The following SET variants were observed in gnomAD, a reference collection of about 807,000 sequenced individuals.
The protein encoded by SET is SET nuclear proto-oncogene, also known as protein SET.
A neutral mutation model predicts 39.0 loss-of-function variants in SET; 4 were observed. The observed-to-expected ratio is 0.10, with a 90% CI of 0.05 to 0.23. SET has a LOEUF of 0.23. SET is among the 10% of genes least tolerant of loss of function. The probability of loss-of-function intolerance (pLI) is 1.00; values close to 1 mark genes in which losing one functional copy is unlikely to be tolerated. For synonymous variants in SET, 114 were observed against 115.9 expected, an observed-to-expected ratio of 0.98 and a Z score of 0.11; for missense variants, 137 against 329.7, an observed-to-expected ratio of 0.42 and a Z score of 4.53.
intron 1 of SET, among the ~76,000 whole-genome samples, chr9:128,684,170 C>G (rs971516115): frequency 6.6e-6 from 1 of 152,118 alleles, no homozygotes; most frequent in South Asian, 2.1e-4. Context: ...CCAGAAGGGA[C>G]TAGACTGGGA....
At position 128,692,658 on chromosome 9, in the gene SET, C is replaced by G; in HGVS notation, c.275-4C>G. 1.9e-6 allele frequency: 3 copies of G among 1,596,146 alleles called. No homozygotes were observed. The highest frequency in any genetic ancestry group is 2.6e-6 in the Non-Finnish European group (3 of 1,165,528). ...TTCAGCTGACCTGTAATTTTCTGGC[C>G]TAGTGTCTGCACTGCTTGGGGAGGA... On this transcript the variant is annotated splice_region_variant and splice_polypyrimidine_tract_variant and intron_variant, in intron 3 of 7. Coordinates refer to ENST00000322030, the MANE Select transcript of SET (RefSeq NM_003011.4).
At chr9:128,693,389 T>C (rs949695474) in intron 5 of SET, among the ~76,000 whole-genome samples, 1 of 152,212 alleles carries the variant, frequency 6.6e-6, no homozygotes, top group Admixed American at 6.5e-5. Context: ...AGACATAGTT[T>C]AGATATTTAT....
Position 128,693,685 on chromosome 9 carries a change from G to A in SET, c.540G>A (p.Lys180=). ...SSQTQNKASR[K]RQHEEPESFF... The stretch of plus-strand genomic sequence containing the variant: ...AAACGCAGAATAAAGCCAGCAGGAA[G>A]AGGCAGCATGAGGAACCAGAGAGCT... The change falls in exon 6 of 8, where the codon AAG becomes AAA. Residue 180 remains lysine (K), a synonymous_variant. Transcript: ENST00000322030. The A allele has an allele frequency of 6.2e-7, 1 of 1,613,494 alleles. No homozygotes were observed.
chr9:128,687,858 G>A (rs1861341737), upstream of SET, among the ~76,000 whole-genome samples: 1 of 152,104 alleles, frequency 6.6e-6, no homozygotes, highest in Admixed American at 6.5e-5. Context: ...CCAAAGTGTT[G>A]GGATAACAGG....
rs911355179 is a variant in SET at position 128,695,572 on chromosome 9, A to G, written c.*908A>G. 1.3e-5 allele frequency: 3 copies of G among 224,160 alleles called. No homozygotes were observed. The highest frequency in any genetic ancestry group is 4.4e-5 in the African/African-American group (2 of 45,030). 13.9% of individuals were successfully genotyped at this position (224,160 alleles called of 1,614,324 possible). A position where few individuals can be genotyped will look rare whatever the true frequency, so the allele number is the denominator to read the frequency against. On this transcript the variant is annotated 3_prime_UTR_variant, in exon 8 of 8. Transcript: ENST00000322030. ...TTCTCTCAGCATAGGTATGCTTACT[A>G]TGACCTTCCAAGTTTGACTTGTATA... is the stretch of plus-strand genomic sequence containing the variant.
At chr9:128,692,461 A>C (rs78085598) in intron 3 of SET, 1 of 399,622 alleles carries the variant, frequency 2.5e-6, no homozygotes, top group Non-Finnish European at 4.5e-6. Context: ...ACTGCTTTCT[A>C]TTCTGTTTAG....
chr9:128,693,825 A>C lies in SET; in HGVS notation c.663+17A>C, dbSNP rs1480791680. The C allele has an allele frequency of 8.7e-6, 14 of 1,609,650 alleles. No homozygotes were observed. The East Asian group carries it at 3.1e-4, about 36-fold the overall frequency. ...TACTACTTGGTGAGTTCTAATACTC[A>C]TTTATTCAAGGTTGGACTTGTCTCG... On this transcript the variant is annotated intron_variant, in intron 6 of 7. Coordinates refer to ENST00000322030, the MANE Select transcript of SET (RefSeq NM_003011.4).
In SET at chr9:128,694,922, G is replaced by A. The variant is rs1861677760; in HGVS notation, c.*258G>A. On this transcript the variant is annotated 3_prime_UTR_variant, in exon 8 of 8. Transcript: ENST00000322030. ...ATCCCTTCCTGTCTGAACAAAAACT[G>A]TATGGAATCAACACCACCGAGCTCT... The A allele has an allele frequency of 2.8e-6, 1 of 351,944 alleles. No homozygotes were observed. The highest frequency in any genetic ancestry group is 5.1e-6 in the Non-Finnish European group (1 of 197,080). The allele number at this position is 351,944 out of a possible 1,614,324, so 21.8% of individuals were successfully genotyped here.
Position 128,695,586 on chromosome 9 carries a change from T to C in SET, c.*922T>C, listed in dbSNP as rs1861706146. On this transcript the variant is annotated 3_prime_UTR_variant, in exon 8 of 8. Transcript: ENST00000322030. ...GTATGCTTACTATGACCTTCCAAGT[T>C]TGACTTGTATAACATCACTGTCAAA... 4.5e-6 allele frequency: 1 copy of C among 224,162 alleles called. No individual in the cohort carries two copies. Among genetic ancestry groups the C allele is most frequent in the Admixed American group, 5.7e-5 (1 of 17,580 alleles). 13.9% of individuals were successfully genotyped at this position (224,162 alleles called of 1,614,324 possible).
At position 128,694,627 on chromosome 9, in the gene SET, A is replaced by T; in HGVS notation, c.811-14A>T. The T allele has an allele frequency of 6.4e-7, 1 of 1,567,684 alleles. No homozygotes were observed. The highest frequency in any genetic ancestry group is 8.7e-7 in the Non-Finnish European group (1 of 1,150,368). ...CATTAATCCTGAAGATTAACTGCCC[A>T]CTTTTTCTTTCAGGAGGATGAAGGA... On this transcript the variant is annotated splice_polypyrimidine_tract_variant and intron_variant, in intron 7 of 7. Transcript: ENST00000322030.
At chr9:128,692,635 C>A (rs1197963346) in intron 3 of SET, 27 bp from the exon 4 acceptor site, 2 of 1,473,224 alleles carry the variant, frequency 1.4e-6, no homozygotes, top group East Asian at 4.5e-5. Flanking sequence ...GTTGAAAATT[C>A]AGCTGACCTG....
Position 128,689,421 on chromosome 9 carries a change from CGCGA to C in SET, c.-152_-149del, listed in dbSNP as rs953279378. On this transcript the variant is annotated 5_prime_UTR_variant, in exon 1 of 8. Coordinates refer to ENST00000322030, the MANE Select transcript of SET (RefSeq NM_003011.4). The stretch of plus-strand genomic sequence containing the variant: ...GGCGTCAGGCCGCGAGGGTAGCGCG[CGCGA>C]GCGAGCGAGGGGGAGGGAGAGCGAG... 1.4e-5 allele frequency: 8 copies of C among 574,314 alleles called. No individual in the cohort carries two copies. The highest frequency in any genetic ancestry group is 8.1e-5 in the South Asian group (1 of 12,402). The allele number at this position is 574,314 out of a possible 1,614,324, so 35.6% of individuals were successfully genotyped here. A position where few individuals can be genotyped will look rare whatever the true frequency, so the allele number is the denominator to read the frequency against.
At chr9:128,686,492 C>T (rs946567363), upstream of SET, among the ~76,000 whole-genome samples, 1 of 152,192 alleles carries the variant, frequency 6.6e-6, no homozygotes, top group African/African-American at 2.4e-5. Flanking sequence ...AGGATGGAAG[C>T]AGCCAGCCCT....
intron 2 of SET, among the ~76,000 whole-genome samples, chr9:128,691,589 G>T (rs1482147665): frequency 6.6e-6 from 1 of 152,156 alleles, no homozygotes; most frequent in Non-Finnish European, 1.5e-5. Flanking sequence ...ATTGAAATTG[G>T]ACTGGAAATG....
upstream of SET, among the ~76,000 whole-genome samples, chr9:128,685,796 C>A (rs1861262705): frequency 6.6e-6 from 1 of 152,116 alleles, no homozygotes; most frequent in Non-Finnish European, 1.5e-5. Context: ...CTTTGGGAGG[C>A]CGAGGTGGGC....
upstream of SET, among the ~76,000 whole-genome samples, chr9:128,684,813 A>G (rs1430431270): frequency 6.6e-6 from 1 of 152,176 alleles, no homozygotes; most frequent in Non-Finnish European, 1.5e-5. Context: ...CTTGGGAGTT[A>G]GGAGTCCCAG....
upstream of SET, chr9:128,685,193 G>C: frequency 5.0e-6 from 8 of 1,600,794 alleles, no homozygotes; most frequent in Non-Finnish European, 6.8e-6. Flanking sequence ...CTCCTGCCCA[G>C]CTTGAAACCT....
chr9:128,693,201 C>T (rs930805105), intron 5 of SET, among the ~76,000 whole-genome samples: 2 of 152,070 alleles, frequency 1.3e-5, no homozygotes, highest in Admixed American at 1.3e-4. Context: ...GGAGTTTACC[C>T]TGGGCAACAT....
chr9:128,689,367 G>T lies in SET; in HGVS notation c.-216G>T. The T allele has an allele frequency of 1.0e-6, 1 of 1,003,898 alleles. No homozygotes were observed. Among genetic ancestry groups the T allele is most frequent in the Non-Finnish European group, 1.2e-6 (1 of 828,062 alleles). The allele number at this position is 1,003,898 out of a possible 1,614,324, so 62.2% of individuals were successfully genotyped here. ...TCCGCGAACAGGAGCCCGGGCCGGG[G>T]CCCGGCACGCCGCCCCAGCCCGTCC... On this transcript the variant is annotated 5_prime_UTR_variant, in exon 1 of 8. Transcript: ENST00000322030.
Sources: gnomAD v4.1 joint callset for allele counts (sites outside exome capture counted in the v4.1 genomes callset) on GRCh38, gnomAD v4.1.1 for gene constraint, MANE v1.5 for transcripts, NCBI Gene and HGNC (gene_info 2026-07-23, HGNC 2026-07-21) for gene names.